CDK3: variants seen among roughly 807,000 people sequenced by gnomAD.
CDK3 encodes the protein cyclin dependent kinase 3.
Under a neutral mutation model 30.2 loss-of-function variants are expected in CDK3, and 24 were observed. The ratio of observed to expected loss-of-function variants is 0.79; its 90% CI spans 0.57 to 1.12. CDK3 has a LOEUF of 1.12. CDK3 is among the 50% of genes most tolerant of loss of function. The pLI is 0.00. For synonymous variants in CDK3, 158 were observed against 154.2 expected (o/e 1.02, Z -0.18); for missense variants, 345 against 376.0 (o/e 0.92, Z 0.68).
Position 76,001,635 on chromosome 17 carries a change from A to G in CDK3, c.116+94A>G, listed in dbSNP as rs2069530. The G allele has an allele frequency of 2.2e-3, 2,475 of 1,118,782 alleles. 20 individuals are homozygous for G. In the African/African-American group the frequency reaches 0.023, roughly 10 times the overall value. The allele number at this position is 1,118,782 out of a possible 1,614,324, so 69.3% of individuals were successfully genotyped here. A position where few individuals can be genotyped will look rare whatever the true frequency, so the allele number is the denominator to read the frequency against. ...TCCCTCTTTCCTGGAGTCCACGTTT[A>G]ACTCCTCTGGGTGCTGCCCAGCAGC... On this transcript the variant is annotated intron_variant, in intron 2 of 7. Coordinates refer to ENST00000448471, the MANE Select transcript of CDK3 (RefSeq NM_001258.4). The surrounding 1 kb of genome is among the most constrained non-coding windows in gnomAD (Gnocchi z 6.2).
rs137958307 is a variant in CDK3, at chr17:76,005,403, C to T, written c.898C>T (p.Leu300=). The stretch of plus-strand genomic sequence containing the variant: ...CTCCCCAGCTGCCCGCCAGTATGTG[C>T]TGCAGCGATTCCGCCATTGAGAATG... The part of the protein sequence containing the change: ...EPSPAARQYV[L]QRFRH Residue 300 remains leucine, a synonymous_variant, in exon 8 of 8, where the codon CTG becomes TTG. Coordinates refer to ENST00000448471, the MANE Select transcript of CDK3 (RefSeq NM_001258.4). This position sits in a 1 kb window ranked among gnomAD's most constrained non-coding sequence, Gnocchi z 4.7. The T allele has an allele frequency of 1.1e-4, 170 of 1,613,670 alleles. No individual in the cohort carries two copies. Among genetic ancestry groups the T allele is most frequent in the Middle Eastern group, 1.6e-4 (1 of 6,076 alleles).
chr17:76,004,939 G>A (rs1024321618), intron 7 of CDK3, among the ~76,000 whole-genome samples: 23 of 152,284 alleles, frequency 1.5e-4, no homozygotes, highest in African/African-American at 5.3e-4. Context: ...CTCTTGGAGT[G>A]TCAGTCCCTG....
In CDK3 at chr17:76,001,631, G is replaced by A. The variant is rs942942231; in HGVS notation, c.116+90G>A. 3.8e-5 allele frequency: 43 copies of A among 1,139,108 alleles called. No homozygotes were observed. The highest frequency in any genetic ancestry group is 2.6e-4 in the Middle Eastern group (1 of 3,854). The allele number at this position is 1,139,108 out of a possible 1,614,324, so 70.6% of individuals were successfully genotyped here. Reference sequence around the variant, plus strand: ...CCGTTCCCTCTTTCCTGGAGTCCACGTTTAACTCCTCTGGGTGCTGCCCAG... The same window carrying A: ...CCGTTCCCTCTTTCCTGGAGTCCACATTTAACTCCTCTGGGTGCTGCCCAG... On this transcript the variant is annotated intron_variant, in intron 2 of 7. Transcript: ENST00000448471. This position sits in a 1 kb window ranked among gnomAD's most constrained non-coding sequence, Gnocchi z 6.2.
Position 76,002,383 on chromosome 17 carries a change from G to T in CDK3, c.451G>T (p.Ala151Ser), listed in dbSNP as rs1198487165. The T allele has an allele frequency of 6.2e-7, 1 of 1,612,392 alleles. No individual in the cohort carries two copies. The highest frequency in any genetic ancestry group is 2.2e-5 in the East Asian group (1 of 44,856). Reference protein sequence around the residue: ...IKLADFGLARAFGVPLRTYTH... With the variant: ...IKLADFGLARSFGVPLRTYTH... ...GCTGGCTGACTTCGGCCTGGCTCGC[G>T]CCTTCGGGGTGCCCCTGCGCACCTA... The change falls in exon 5 of 8, where the codon GCC becomes TCC. Residue 151 changes from alanine (A) to serine (S), a missense_variant. Transcript: ENST00000448471. The surrounding 1 kb of genome is among the most constrained non-coding windows in gnomAD (Gnocchi z 4.3).
intron 6 of CDK3, 111 bp from the exon 7 acceptor site, chr17:76,003,084 C>A: frequency 1.2e-6 from 1 of 858,000 alleles, no homozygotes; most frequent in Non-Finnish European, 1.9e-6. Flanking sequence ...TTTGCACAGT[C>A]ATGGAAAAGA....
rs2066305793 is a variant in CDK3, at chr17:76,005,435, C to A, written c.*12C>A. On this transcript the variant is annotated 3_prime_UTR_variant, in exon 8 of 8. Transcript: ENST00000448471. The surrounding 1 kb of genome is among the most constrained non-coding windows in gnomAD (Gnocchi z 4.7). ...GATTCCGCCATTGAGAATGTCAAGG[C>A]CACACTCAGATCCTTTCTCGAGCAG... 6.2e-7 allele frequency: 1 copy of A among 1,610,322 alleles called. No individual in the cohort carries two copies.
Position 76,003,402 on chromosome 17 carries a change from G to A in CDK3, c.792+4G>A, listed in dbSNP as rs1031510965. 6.2e-7 allele frequency: 1 copy of A among 1,610,284 alleles called. No individual in the cohort carries two copies. The highest frequency in any genetic ancestry group is 8.5e-7 in the Non-Finnish European group (1 of 1,177,868). On this transcript the variant is annotated splice_donor_region_variant and intron_variant, in intron 7 of 7. Transcript: ENST00000448471. ...AGAGGGCAGGGACCTGCTCATGGTAGGTGCATGTGGGCTCCAGCTGCTGCT... is the reference window on the plus strand; with the variant it reads ...AGAGGGCAGGGACCTGCTCATGGTAAGTGCATGTGGGCTCCAGCTGCTGCT...
intron 7 of CDK3, chr17:76,004,505 AC>A (rs2066293156): frequency 6.6e-6 from 1 of 151,692 alleles, no homozygotes; most frequent in South Asian, 2.1e-4. Flanking sequence ...ATAGGGGTGC[AC>A]CACCATGCCC....
Position 76,002,121 on chromosome 17 carries a change from G to A in CDK3, c.294G>A (p.Glu98=), listed in dbSNP as rs372288050. The change falls in exon 4 of 8, where the codon GAG becomes GAA. Residue 98 remains glutamate, a synonymous_variant. Transcript: ENST00000448471. The surrounding 1 kb of genome is among the most constrained non-coding windows in gnomAD (Gnocchi z 4.3). ...ACATGGACTCCACCCCAGGCTCAGAGCTCCCCCTGCACCTCATCAAGGTAG... is the reference window on the plus strand; with the variant it reads ...ACATGGACTCCACCCCAGGCTCAGAACTCCCCCTGCACCTCATCAAGGTAG... ...KKYMDSTPGS[E]LPLHLIKSYL... is the part of the protein sequence containing the mutation. 4.1e-5 allele frequency: 66 copies of A among 1,613,862 alleles called. No homozygotes were observed. The highest frequency in any genetic ancestry group is 1.5e-4 in the South Asian group (14 of 91,080).
Position 76,001,537 on chromosome 17 carries a change from G to C in CDK3, c.112G>C (p.Asp38His). ...GGTGGCCCTGAAGAAGATCAGACTG[G>C]ATTTGTGAGTGCTGGGACGGCCCCT... ...QLVALKKIRL[D>H]LEMEGVPSTA... Residue 38 changes from aspartate to histidine, a missense_variant, in exon 2 of 8, where the codon GAT becomes CAT. Asp to His is a moderately conservative substitution (Grantham distance 81, BLOSUM62 -1). Coordinates refer to ENST00000448471, the MANE Select transcript of CDK3 (RefSeq NM_001258.4). This position sits in a 1 kb window ranked among gnomAD's most constrained non-coding sequence, Gnocchi z 6.2. 6.2e-7 allele frequency: 1 copy of C among 1,613,610 alleles called. No individual in the cohort carries two copies. Among genetic ancestry groups the C allele is most frequent in the Non-Finnish European group, 8.5e-7 (1 of 1,179,652 alleles).
At position 76,001,645 on chromosome 17, in the gene CDK3, G is replaced by C; in HGVS notation, c.116+104G>C. The C allele has an allele frequency of 1.9e-6, 2 of 1,043,566 alleles. No individual in the cohort carries two copies. The highest frequency in any genetic ancestry group is 3.0e-5 in the South Asian group (2 of 66,992). The allele number at this position is 1,043,566 out of a possible 1,614,324, so 64.6% of individuals were successfully genotyped here. ...CTGGAGTCCACGTTTAACTCCTCTG[G>C]GTGCTGCCCAGCAGCCCTTACCTGT... is the stretch of plus-strand genomic sequence containing the variant. On this transcript the variant is annotated intron_variant, in intron 2 of 7. Coordinates refer to ENST00000448471, the MANE Select transcript of CDK3 (RefSeq NM_001258.4). This position sits in a 1 kb window ranked among gnomAD's most constrained non-coding sequence, Gnocchi z 6.2.
In CDK3 at chr17:76,003,294, G is replaced by T. The variant is rs1471669599; in HGVS notation, c.688G>T (p.Val230Phe). 8.7e-6 allele frequency: 14 copies of T among 1,614,174 alleles called. No individual in the cohort carries two copies. Among genetic ancestry groups the T allele is most frequent in the Non-Finnish European group, 1.2e-5 (14 of 1,179,996 alleles). ...GTPSEDTWPG[V>F]TQLPDYKGSF... The stretch of plus-strand genomic sequence containing the variant: ...ACCCAGCGAAGACACATGGCCCGGG[G>T]TCACCCAGCTGCCTGACTATAAGGG... The change falls in exon 7 of 8, where the codon GTC becomes TTC. Residue 230 changes from valine to phenylalanine, a missense_variant. Transcript: ENST00000448471.
intron 7 of CDK3, chr17:76,004,654 C>T (rs2066294871): frequency 6.6e-6 from 1 of 152,548 alleles, no homozygotes. Flanking sequence ...TGCGCCCGTC[C>T]ACTGTCCATT....
chr17:76,002,392 G>A lies in CDK3; in HGVS notation c.460G>A (p.Val154Met), dbSNP rs145748425. 507 of 1,612,476 alleles carry A rather than the reference G, an allele frequency of 3.1e-4. 1 individual carries two copies. Among genetic ancestry groups the A allele is most frequent in the Middle Eastern group, 6.6e-4 (4 of 6,062 alleles). ...ADFGLARAFG[V>M]PLRTYTHEVV... ...CTTCGGCCTGGCTCGCGCCTTCGGG[G>A]TGCCCCTGCGCACCTACACCCATGA... The change falls in exon 5 of 8, where the codon GTG becomes ATG. Residue 154 changes from valine to methionine, a missense_variant. Coordinates refer to ENST00000448471, the MANE Select transcript of CDK3 (RefSeq NM_001258.4). The surrounding 1 kb of genome is among the most constrained non-coding windows in gnomAD (Gnocchi z 4.3).
In CDK3 at chr17:76,002,344, T is replaced by G. The variant is rs142329959; in HGVS notation, c.412T>G (p.Leu138Val). Residue 138 changes from leucine (L) to valine (V), a missense_variant, in exon 5 of 8, where the codon TTG becomes GTG. By Grantham distance (32) the Leu-to-Val change is conservative. Coordinates refer to ENST00000448471, the MANE Select transcript of CDK3 (RefSeq NM_001258.4). This position sits in a 1 kb window ranked among gnomAD's most constrained non-coding sequence, Gnocchi z 4.3. ...GCCCCAGAACCTGCTCATCAATGAG[T>G]TGGGTGCCATCAAGCTGGCTGACTT... ...LKPQNLLINE[L>V]GAIKLADFGL... is the part of the protein sequence containing the mutation. 1,500 of 1,611,264 alleles carry G rather than the reference T, an allele frequency of 9.3e-4. No individual in the cohort carries two copies. Among genetic ancestry groups the G allele is most frequent in the Non-Finnish European group, 1.2e-3 (1,378 of 1,179,748 alleles).
intron 6 of CDK3, 54 bp from the exon 7 acceptor site, chr17:76,003,141 G>C: frequency 1.4e-6 from 2 of 1,475,478 alleles, no homozygotes; most frequent in Non-Finnish European, 1.9e-6. Context: ...TCTGGTATTG[G>C]ATTCTGTATA....
intron 7 of CDK3, among the ~76,000 whole-genome samples, chr17:76,004,092 G>A (rs998551711): frequency 2.0e-5 from 3 of 151,996 alleles, no homozygotes; most frequent in Non-Finnish European, 4.4e-5. Flanking sequence ...CTCCTACAGT[G>A]GTCAGTCTTC....
In CDK3 at chr17:76,002,175, C is replaced by T. The variant is rs1293033743; in HGVS notation, c.315+33C>T. 1 of 1,613,120 alleles carries T rather than the reference C, an allele frequency of 6.2e-7. No individual in the cohort carries two copies. Among genetic ancestry groups the T allele is most frequent in the Non-Finnish European group, 8.5e-7 (1 of 1,179,492 alleles). Reference sequence around the variant, plus strand: ...AGGAAGGGCAGGGAAGGAGAGGTGACACCCCATCCCTGCCATCCCTGTCCA... The same window carrying T: ...AGGAAGGGCAGGGAAGGAGAGGTGATACCCCATCCCTGCCATCCCTGTCCA... On this transcript the variant is annotated intron_variant, in intron 4 of 7. Transcript: ENST00000448471. This position sits in a 1 kb window ranked among gnomAD's most constrained non-coding sequence, Gnocchi z 4.3.
intron 6 of CDK3, 79 bp from the exon 7 acceptor site, chr17:76,003,115 TG>T: frequency 8.5e-7 from 1 of 1,172,254 alleles, no homozygotes; most frequent in Non-Finnish European, 1.3e-6. Flanking sequence ...GGCCTCTCCC[TG>T]GGTCTGGCCA....
Sources: gnomAD v4.1 joint callset for allele counts (sites outside exome capture counted in the v4.1 genomes callset) on GRCh38, gnomAD v4.1.1 for gene constraint, Gnocchi (gnomAD v3.1) non-coding constraint, MANE v1.5 for transcripts, NCBI Gene and HGNC (gene_info 2026-07-23, HGNC 2026-07-21) for gene names.